The following FGF12 variants were observed in gnomAD, a reference collection of about 807,000 sequenced individuals.
FGF12 encodes the protein fibroblast growth factor 12B.
A neutral mutation model predicts 23.6 loss-of-function variants in FGF12; 14 were observed. The observed-to-expected ratio is 0.59, with a 90% confidence interval of 0.39 to 0.93. The LOEUF (loss-of-function observed/expected upper bound fraction) is 0.93. Ranked by LOEUF, FGF12 falls within the 40% of genes least tolerant of loss-of-function variation. The pLI, the probability that FGF12 is intolerant of heterozygous loss-of-function variation, is 0.00. For synonymous variants in FGF12, 62 were observed against 77.3 expected (o/e 0.80, Z 1.04); for missense variants, 175 against 217.8 (o/e 0.80, Z 1.24).
At chr3:192,304,530 A>G (rs1715516517) in intron 4 of FGF12, among the ~76,000 whole-genome samples, 1 of 152,088 alleles carries the variant, frequency 6.6e-6, no homozygotes, top group South Asian at 2.1e-4. Context: ...AGACCAGGAA[A>G]TTTTTTTAAA....
At chr3:192,481,157 A>G (rs1268013315) in intron 2 of FGF12, among the ~76,000 whole-genome samples, 1 of 152,166 alleles carries the variant, frequency 6.6e-6, no homozygotes, top group Non-Finnish European at 1.5e-5. Flanking sequence ...TATAAGAGAA[A>G]TTTCATTTCT....
chr3:192,715,572 A>G (rs1333270081), intron 2 of FGF12, among the ~76,000 whole-genome samples: 2 of 152,228 alleles, frequency 1.3e-5, no homozygotes, highest in African/African-American at 2.4e-5. Flanking sequence ...TATATTCCCA[A>G]AAGATTACAT....
chr3:192,197,288 A>C (rs1268435688), intron 4 of FGF12, among the ~76,000 whole-genome samples: 1 of 152,212 alleles, frequency 6.6e-6, no homozygotes, highest in Non-Finnish European at 1.5e-5. Context: ...AAGATCAGGC[A>C]ATCAGTTTCA....
chr3:192,601,296 G>A (rs1714105214), intron 2 of FGF12, among the ~76,000 whole-genome samples: 1 of 152,000 alleles, frequency 6.6e-6, no homozygotes, highest in Non-Finnish European at 1.5e-5. Context: ...GAAGAGTAGG[G>A]TACAGGGGAA....
At chr3:192,324,382 C>T (rs1000988113) in intron 4 of FGF12, among the ~76,000 whole-genome samples, 4 of 152,100 alleles carry the variant, frequency 2.6e-5, no homozygotes, top group Non-Finnish European at 5.9e-5. Flanking sequence ...TGGATTGATG[C>T]TCAGGAGCTG....
chr3:192,548,690 C>T (rs1363964900), intron 2 of FGF12, among the ~76,000 whole-genome samples: 2 of 152,076 alleles, frequency 1.3e-5, no homozygotes, highest in Admixed American at 6.5e-5. Context: ...AATAATGCCA[C>T]CATTGTGTTT....
intron 4 of FGF12, among the ~76,000 whole-genome samples, chr3:192,222,041 A>C (rs1361495806): frequency 6.6e-6 from 1 of 152,192 alleles, no homozygotes; most frequent in Non-Finnish European, 1.5e-5. Context: ...GGAACAGAGA[A>C]CATGACAGGT....
At chr3:192,528,254 G>T (rs1279442226) in intron 2 of FGF12, among the ~76,000 whole-genome samples, 2 of 152,148 alleles carry the variant, frequency 1.3e-5, no homozygotes, top group East Asian at 3.9e-4. Flanking sequence ...AGCATTGGAA[G>T]AAATTGGCCA....
At chr3:192,334,998 G>A (rs1386294942) in intron 4 of FGF12, among the ~76,000 whole-genome samples, 3 of 152,028 alleles carry the variant, frequency 2.0e-5, no homozygotes, top group Non-Finnish European at 4.4e-5. Flanking sequence ...CAGACAAATT[G>A]AAGAATTTTC....
intron 2 of FGF12, among the ~76,000 whole-genome samples, chr3:192,576,812 C>T (rs964201085): frequency 1.8e-4 from 28 of 152,096 alleles, no homozygotes; most frequent in Non-Finnish European, 3.4e-4. Flanking sequence ...AACCCAAATG[C>T]CCATCAGTGA....
intron 2 of FGF12, among the ~76,000 whole-genome samples, chr3:192,396,527 T>A (rs181219876): frequency 1.6e-4 from 25 of 152,362 alleles, no homozygotes; most frequent in Admixed American, 1.6e-3. Flanking sequence ...CTGCCTTTCA[T>A]AGTTGTATGA....
At chr3:192,474,282 T>A (rs1474083851) in intron 2 of FGF12, among the ~76,000 whole-genome samples, 1 of 152,242 alleles carries the variant, frequency 6.6e-6, no homozygotes. Flanking sequence ...GTTGTTTTTG[T>A]CAGTTCAGAA....
At chr3:192,254,093 CACCACCTTGT>C (rs985800608) in intron 4 of FGF12, among the ~76,000 whole-genome samples, 11 of 151,894 alleles carry the variant, frequency 7.2e-5, no homozygotes, top group Non-Finnish European at 1.6e-4. Flanking sequence ...TAGCTATAGT[CACCACCTTGT>C]ACCATAGTTC....
chr3:192,718,140 G>A (rs1718918757), intron 2 of FGF12, among the ~76,000 whole-genome samples: 1 of 122,014 alleles, frequency 8.2e-6, no homozygotes, highest in South Asian at 2.8e-4. Context: ...TGGACTGTTT[G>A]TCATTATTCT....
chr3:192,385,685 C>T (rs1456904982), intron 2 of FGF12, among the ~76,000 whole-genome samples: 2 of 152,150 alleles, frequency 1.3e-5, no homozygotes, highest in Non-Finnish European at 2.9e-5. Flanking sequence ...CATCCACCTC[C>T]GTCTAACAGC....
At chr3:192,711,265 C>A (rs1718660007) in intron 2 of FGF12, among the ~76,000 whole-genome samples, 1 of 124,684 alleles carries the variant, frequency 8.0e-6, no homozygotes, top group South Asian at 2.6e-4. Context: ...GCCCGGCCAG[C>A]CGCCCCGTCC....
chr3:192,511,861 C>T (rs1237364194), intron 2 of FGF12, among the ~76,000 whole-genome samples: 1 of 152,074 alleles, frequency 6.6e-6, no homozygotes, highest in Non-Finnish European at 1.5e-5. Flanking sequence ...GATGGATAAA[C>T]TAGACAAGAC....
chr3:192,414,688 A>AT (rs1721291033), intron 2 of FGF12, among the ~76,000 whole-genome samples: 1 of 152,142 alleles, frequency 6.6e-6, no homozygotes, highest in Non-Finnish European at 1.5e-5. Context: ...GTGAAGATCT[A>AT]TGAGTTTAAT....
chr3:192,548,433 A>C (rs1725550950), intron 2 of FGF12, among the ~76,000 whole-genome samples: 2 of 152,178 alleles, frequency 1.3e-5, no homozygotes, highest in Admixed American at 6.5e-5. Flanking sequence ...AGGGAAATGA[A>C]TCACTCAGAA....
Sources: allele counts gnomAD v4.1 joint callset (sites outside exome capture counted in the v4.1 genomes callset), GRCh38; gene constraint gnomAD v4.1.1; transcripts MANE v1.5; gene names NCBI Gene and HGNC (gene_info 2026-07-23, HGNC 2026-07-21).